Variants in TRERF1 observed in about 807,000 individuals in gnomAD.
TRERF1 encodes the protein transcriptional regulating factor 1, also known as transcriptional-regulating factor 1.
Under a neutral mutation model 122.9 loss-of-function variants are expected in TRERF1, and 27 were observed. The ratio of observed to expected loss-of-function variants is 0.22; its 90% confidence interval spans 0.16 to 0.30. The LOEUF (loss-of-function observed/expected upper bound fraction) is 0.30. Among genes scored for constraint, TRERF1 ranks in the 10% least tolerant of loss-of-function variants. TRERF1 has a pLI of 1.00. For synonymous variants in TRERF1, 636 were observed against 641.7 expected, an observed-to-expected ratio of 0.99 and a Z score of 0.13; for missense variants, 1,248 against 1,560.3, an observed-to-expected ratio of 0.80 and a Z score of 3.37.
chr6:42,392,931 TACAC>T (rs58784390), intron 2 of TRERF1, among the ~76,000 whole-genome samples: 4 of 148,102 alleles, frequency 2.7e-5, no homozygotes, highest in African/African-American at 5.0e-5. Flanking sequence ...TACACACACA[TACAC>T]ACACACACAC....
exon 11 of TRERF1, chr6:42,257,049 A>G: frequency 1.2e-6 from 2 of 1,614,196 alleles, no homozygotes; most frequent in Non-Finnish European, 1.7e-6. Flanking sequence ...CAGGGCAGAG[A>G]TATCTTGGAG....
chr6:42,368,833 T>G (rs1773243369), intron 2 of TRERF1, among the ~76,000 whole-genome samples: 1 of 152,184 alleles, frequency 6.6e-6, no homozygotes, highest in Non-Finnish European at 1.5e-5. Flanking sequence ...GGGGAGTTTT[T>G]TAGTTAAAAA....
intron 2 of TRERF1, among the ~76,000 whole-genome samples, chr6:42,444,910 C>T (rs562573464): frequency 6.6e-6 from 1 of 152,306 alleles, no homozygotes; most frequent in African/African-American, 2.4e-5. Context: ...TCTCTCCAGT[C>T]GTGGTCCCAG....
rs1374944043 is a variant in TRERF1, at chr6:42,288,478, G to GA, written c.-259+12159dup. Among the ~76,000 whole-genome samples the GA allele has an allele frequency of 4.0e-5, 6 of 149,072 alleles. No homozygotes were observed. In the East Asian group the frequency reaches 1.2e-3, roughly 31 times the overall value. On this transcript the variant is annotated intron_variant, in intron 4 of 17. Transcript: ENST00000372922. Reference sequence around the variant, plus strand: ...AGCTACTCGGGAGGCTGAGGCAGGAGAATCGCTTGAATCCAGGAGGTGGAG... The same window carrying GA: ...AGCTACTCGGGAGGCTGAGGCAGGAGAAATCGCTTGAATCCAGGAGGTGGAG...
intron 3 of TRERF1, among the ~76,000 whole-genome samples, chr6:42,328,315 C>T (rs1357463637): frequency 1.3e-5 from 2 of 151,808 alleles, no homozygotes; most frequent in African/African-American, 4.8e-5. Flanking sequence ...AGCCAACTAT[C>T]CCTAATTAAA....
intron 3 of TRERF1, among the ~76,000 whole-genome samples, chr6:42,307,839 A>G (rs1035170374): frequency 1.3e-5 from 2 of 152,244 alleles, no homozygotes; most frequent in African/African-American, 4.8e-5. Flanking sequence ...ACTCACTGAA[A>G]GAGGAGCTCT....
At chr6:42,249,481 A>C (rs1337288950) in intron 13 of TRERF1, among the ~76,000 whole-genome samples, 2 of 152,214 alleles carry the variant, frequency 1.3e-5, no homozygotes. Context: ...CTGGTGATGT[A>C]ACTTCCTGGC....
rs1774781162 is a variant in TRERF1, at chr6:42,376,004, T to A, written c.-453-12925A>T. On this transcript the variant is annotated intron_variant, in intron 2 of 17. Transcript: ENST00000372922. ...GCCTCACAAGTCACAATGTCCCCCCTTTAGGAAATGTGAAGGCGGTGTGGC... is the reference window on the plus strand; with the variant it reads ...GCCTCACAAGTCACAATGTCCCCCCATTAGGAAATGTGAAGGCGGTGTGGC... Among the ~76,000 whole-genome samples, 3 of 152,062 alleles carry A rather than the reference T, an allele frequency of 2.0e-5. No homozygotes were observed. In the South Asian group the frequency reaches 6.2e-4, roughly 32 times the overall value.
intron 13 of TRERF1, among the ~76,000 whole-genome samples, chr6:42,250,864 C>T (rs1336729501): frequency 3.3e-5 from 5 of 151,844 alleles, no homozygotes; most frequent in African/African-American, 4.8e-5. Flanking sequence ...TGGGGGCAAT[C>T]GACAGTGAAC....
At chr6:42,440,166 C>T (rs1786234669) in intron 2 of TRERF1, among the ~76,000 whole-genome samples, 1 of 152,176 alleles carries the variant, frequency 6.6e-6, no homozygotes, top group Admixed American at 6.5e-5. Flanking sequence ...GAAAGATTCT[C>T]TTAAACATCC....
intron 2 of TRERF1, among the ~76,000 whole-genome samples, chr6:42,448,360 C>T (rs1326664085): frequency 6.6e-6 from 1 of 152,332 alleles, no homozygotes; most frequent in Middle Eastern, 3.4e-3. Context: ...TATGTACATG[C>T]TGCACTCTCT....
chr6:42,242,741 C>T (rs1200262894), intron 15 of TRERF1, among the ~76,000 whole-genome samples: 3 of 152,312 alleles, frequency 2.0e-5, no homozygotes, highest in Non-Finnish European at 2.9e-5. Flanking sequence ...GAATCATCTA[C>T]ATGCAGCGAA....
chr6:42,229,843 G>A (rs1022896161), intron 17 of TRERF1, among the ~76,000 whole-genome samples: 22 of 152,158 alleles, frequency 1.4e-4, no homozygotes, highest in African/African-American at 5.1e-4. Flanking sequence ...ATGGTCAGTG[G>A]GCCAAATCCT....
rs532745715 is a variant in TRERF1, at chr6:42,331,818, G to A, written c.-370-31069C>T. 8.5e-5 allele frequency among the ~76,000 whole-genome samples: 13 copies of A among 152,308 alleles called. No individual in the cohort carries two copies. The South Asian group carries it at 1.0e-3, about 12-fold the overall frequency. ...GGGCACACATACCCCAGGCCCACGC[G>A]GGCCATGTGGCTGGCCCTTCCACCC... is the stretch of plus-strand genomic sequence containing the variant. On this transcript the variant is annotated intron_variant, in intron 3 of 17. Transcript: ENST00000372922.
rs1770651408 is a variant in TRERF1, at chr6:42,232,039, T to A, written c.3278+642A>T. On this transcript the variant is annotated intron_variant, in intron 17 of 17. Coordinates refer to ENST00000372922, the Ensembl canonical transcript of TRERF1. This position sits in a 1 kb window ranked among gnomAD's most constrained non-coding sequence, Gnocchi z 4.5. ...AGTAAATGTTAGCTATTATAATTAC[T>A]ATCTCGTTACTTTTTTTCTTTAGCT... is the stretch of plus-strand genomic sequence containing the variant. Among the ~76,000 whole-genome samples, 1 of 152,258 alleles carries A rather than the reference T, an allele frequency of 6.6e-6. No individual in the cohort carries two copies. The highest frequency in any genetic ancestry group is 2.1e-4 in the South Asian group (1 of 4,834).
intron 2 of TRERF1, among the ~76,000 whole-genome samples, chr6:42,376,244 C>T (rs1471041849): frequency 6.6e-6 from 1 of 152,222 alleles, no homozygotes; most frequent in African/African-American, 2.4e-5. Context: ...GTTCATTCCT[C>T]TCACCTAAAA....
At chr6:42,335,676 T>C (rs1249555402) in intron 3 of TRERF1, among the ~76,000 whole-genome samples, 2 of 152,128 alleles carry the variant, frequency 1.3e-5, no homozygotes, top group Non-Finnish European at 2.9e-5. Flanking sequence ...TTTGGGATTC[T>C]CTCTCTTCTG....
Position 42,432,861 on chromosome 6 carries a change from A to G in TRERF1, c.-454+18316T>C, listed in dbSNP as rs985391475. 3.5e-5 allele frequency among the ~76,000 whole-genome samples: 5 copies of G among 141,016 alleles called. No individual in the cohort carries two copies. In the East Asian group the frequency reaches 1.0e-3, roughly 29 times the overall value. The allele number at this position is 141,016 out of a possible 152,430, so 92.5% of individuals were successfully genotyped here. A position where few individuals can be genotyped will look rare whatever the true frequency, so the allele number is the denominator to read the frequency against. On this transcript the variant is annotated intron_variant, in intron 2 of 17. Coordinates refer to ENST00000372922, the Ensembl canonical transcript of TRERF1. Reference sequence around the variant, plus strand: ...CTGTCTCAAAAAAAAAAAAAAAAAAAGTCACCTAAAGAATTAAAGAATGTT... The same window carrying G: ...CTGTCTCAAAAAAAAAAAAAAAAAAGGTCACCTAAAGAATTAAAGAATGTT...
At position 42,228,411 on chromosome 6, in the gene TRERF1, A is replaced by G. The variant is rs1044180202; in HGVS notation, c.3537T>C (p.Val1179=). The change falls in exon 18 of 18, where the codon GTT becomes GTC. Residue 1179 remains valine (V), a synonymous_variant. Transcript: ENST00000372922. The surrounding 1 kb of genome is among the most constrained non-coding windows in gnomAD (Gnocchi z 4.2). ...CATCCAAGAGAAGATCGGTGTCCAC[A>G]ACTTCAGCCTCTTCCATGACACCTC... 6.2e-7 allele frequency: 1 copy of G among 1,614,218 alleles called. No homozygotes were observed. The highest frequency in any genetic ancestry group is 8.5e-7 in the Non-Finnish European group (1 of 1,180,040).
Sources: allele counts gnomAD v4.1 joint callset (sites outside exome capture counted in the v4.1 genomes callset), GRCh38; gene constraint gnomAD v4.1.1; non-coding constraint Gnocchi (gnomAD v3.1); transcripts MANE v1.5; gene names NCBI Gene and HGNC (gene_info 2026-07-23, HGNC 2026-07-21).